Variants in NHS observed in about 807,000 individuals in gnomAD.
NHS encodes the protein NHS actin remodeling regulator, also known as actin remodeling regulator NHS.
NHS carries 5 observed loss-of-function variants against 72.5 expected under a neutral mutation model. That is an observed-to-expected ratio of 0.07 (90% confidence interval 0.04 to 0.14). The LOEUF is 0.14. Among genes scored for constraint, NHS ranks in the 10% least tolerant of loss-of-function variants. The pLI is 1.00. For missense variants in NHS, 1,072 were observed against 1,355.7 expected, an observed-to-expected ratio of 0.79 and a Z score of 3.29; for synonymous variants, 464 against 547.7, an observed-to-expected ratio of 0.85 and a Z score of 2.13.
intron 1 of NHS, among the ~76,000 whole-genome samples, chrX:17,562,382 A>G (rs1000300534): frequency 8.9e-6 from 1 of 112,111 alleles, no homozygotes; most frequent in Admixed American, 9.5e-5. Context: ...ACTAAGAATC[A>G]TTTGTTGAGA....
chrX:17,577,554 A>G (rs2065518624), intron 1 of NHS, among the ~76,000 whole-genome samples: 1 of 111,757 alleles, frequency 8.9e-6, no homozygotes, highest in Non-Finnish European at 1.9e-5. Context: ...GAATTTTAAC[A>G]TTTGATCTAA....
At chrX:17,432,912 A>C (rs1354507455) in intron 1 of NHS, among the ~76,000 whole-genome samples, 2 of 112,544 alleles carry the variant, frequency 1.8e-5, no homozygotes, top group African/African-American at 6.5e-5. Flanking sequence ...ACTCAAAATA[A>C]ATAAAAATGT....
chrX:17,657,928 C>G (rs1334970854), intron 1 of NHS, among the ~76,000 whole-genome samples: 2 of 113,024 alleles, frequency 1.8e-5, no homozygotes, highest in African/African-American at 6.4e-5. Context: ...GGCTACTACT[C>G]TTTCCTTTCC....
At position 17,727,615 on chromosome X, in the gene NHS, T is replaced by G; in HGVS notation, c.3509T>G (p.Leu1170Arg). Residue 1170 changes from leucine to arginine, a missense_variant, in exon 7 of 9, where the codon CTC (leucine) becomes CGC (arginine). By Grantham distance (102) the Leu-to-Arg change is moderately radical. Transcript: ENST00000676302. ...TDLPYLEEST[L>R]TTAALSPSKI... ...CTCCCTTATTTAGAGGAAAGCACAC[T>G]CACAACGGCTGCCTTGTCTCCAAGT... The G allele has an allele frequency of 4.1e-6, 5 of 1,211,052 alleles. No individual in the cohort carries two copies. The highest frequency in any genetic ancestry group is 5.6e-6 in the Non-Finnish European group (5 of 895,008).
At chrX:17,581,952 C>G (rs973771230) in intron 1 of NHS, among the ~76,000 whole-genome samples, 3 of 111,772 alleles carry the variant, frequency 2.7e-5, no homozygotes, top group African/African-American at 9.8e-5. Flanking sequence ...TCCAGAATTG[C>G]AGAGTGAGAA....
At chrX:17,642,638 T>C (rs1213591192) in intron 1 of NHS, among the ~76,000 whole-genome samples, 1 of 111,988 alleles carries the variant, frequency 8.9e-6, no homozygotes, top group Non-Finnish European at 1.9e-5. Context: ...TTAACCCCGC[T>C]CCATTTCCCA....
At chrX:17,395,436 T>G (rs2064469641) in intron 1 of NHS, among the ~76,000 whole-genome samples, 1 of 112,149 alleles carries the variant, frequency 8.9e-6, no homozygotes, top group Admixed American at 9.5e-5. Flanking sequence ...AGTCATTCAC[T>G]ATAGCAGGAG....
intron 3 of NHS, among the ~76,000 whole-genome samples, chrX:17,695,938 A>G: frequency 1.0e-5 from 1 of 98,398 alleles, no homozygotes; most frequent in Non-Finnish European, 2.0e-5. Flanking sequence ...AAAAAAAAAA[A>G]AAAAGGGGGG....
At chrX:17,648,018 C>G (rs960031820) in intron 1 of NHS, among the ~76,000 whole-genome samples, 6 of 110,631 alleles carry the variant, frequency 5.4e-5, no homozygotes, top group African/African-American at 2.0e-4. Flanking sequence ...GATCCTTGTG[C>G]TCAAACCAAT....
chrX:17,514,567 C>T (rs1218113803), intron 1 of NHS, among the ~76,000 whole-genome samples: 2 of 112,110 alleles, frequency 1.8e-5, no homozygotes, highest in Non-Finnish European at 3.8e-5. Flanking sequence ...GGCTTCCTTG[C>T]TCTTCAGCCT....
chrX:17,482,567 A>G (rs1569264017), intron 1 of NHS, among the ~76,000 whole-genome samples: 1 of 112,113 alleles, frequency 8.9e-6, no homozygotes, highest in Non-Finnish European at 1.9e-5. Context: ...TGTTGAGGAC[A>G]TCCACTTGCC....
chrX:17,697,006 C>A (rs1457923022), intron 3 of NHS, among the ~76,000 whole-genome samples: 1 of 111,041 alleles, frequency 9.0e-6, no homozygotes, highest in Non-Finnish European at 1.9e-5. Context: ...AAACCACCAC[C>A]AGAAAAATTG....
chrX:17,575,868 C>A (rs961941721), intron 1 of NHS, among the ~76,000 whole-genome samples: 2 of 111,695 alleles, frequency 1.8e-5, no homozygotes, highest in Admixed American at 1.9e-4. Context: ...CTCACTGCCC[C>A]AAATCTTCTT....
chrX:17,538,802 C>T (rs1344390603), intron 1 of NHS, among the ~76,000 whole-genome samples: 1 of 112,045 alleles, frequency 8.9e-6, no homozygotes, highest in Non-Finnish European at 1.9e-5. Flanking sequence ...ATCAAAACCG[C>T]TTTTCTTTGC....
chrX:17,543,067 T>A (rs184995138), intron 1 of NHS, among the ~76,000 whole-genome samples: 2 of 111,839 alleles, frequency 1.8e-5, no homozygotes, highest in East Asian at 5.6e-4. Context: ...CTTTAGTACA[T>A]AATAATCATC....
chrX:17,376,493 T>A (rs1404284621), intron 1 of NHS, among the ~76,000 whole-genome samples, 171 bp downstream of exon 1: 2 of 111,492 alleles, frequency 1.8e-5, no homozygotes, highest in African/African-American at 6.5e-5. Context: ...CCAATCCTCC[T>A]GGGGCTGAGT....
chrX:17,519,463 T>C (rs183460935), intron 1 of NHS, among the ~76,000 whole-genome samples: 4 of 112,080 alleles, frequency 3.6e-5, no homozygotes, highest in African/African-American at 1.3e-4. Flanking sequence ...TAGTTTCCAA[T>C]ATGAATGAGC....
At chrX:17,413,797 C>T (rs1258028666) in intron 1 of NHS, among the ~76,000 whole-genome samples, 2 of 111,711 alleles carry the variant, frequency 1.8e-5, no homozygotes, top group Non-Finnish European at 3.8e-5. Context: ...AGCAGATAAA[C>T]ATAAACAAAT....
intron 4 of NHS, among the ~76,000 whole-genome samples, chrX:17,719,965 T>C (rs2066396036): frequency 9.0e-6 from 1 of 110,974 alleles, no homozygotes; most frequent in Non-Finnish European, 1.9e-5. Context: ...TCTCTCTCTC[T>C]CTCTCAATCA....
Sources: allele counts gnomAD v4.1 joint callset (sites outside exome capture counted in the v4.1 genomes callset), GRCh38; gene constraint gnomAD v4.1.1; transcripts MANE v1.5; gene names NCBI Gene and HGNC (gene_info 2026-07-23, HGNC 2026-07-21).